The following CSMD1 variants were observed in gnomAD, a reference collection of about 807,000 sequenced individuals.
CSMD1 encodes the protein CUB and sushi domain-containing protein 1.
CSMD1 carries 213 observed loss-of-function variants against 417.5 expected under a neutral mutation model. The observed-to-expected ratio is 0.51, with a 90% CI of 0.46 to 0.57. The LOEUF is 0.57. Ranked by LOEUF, CSMD1 falls within the 20% of genes least tolerant of loss-of-function variation. The probability of loss-of-function intolerance (pLI) is 0.00; values close to 1 mark genes in which losing one functional copy is unlikely to be tolerated. For synonymous variants in CSMD1, 2,862 were observed against 1,736.8 expected, an observed-to-expected ratio of 1.65 and a Z score of -16.11; for missense variants, 6,923 against 4,529.7, an observed-to-expected ratio of 1.53 and a Z score of -15.17.
intron 18 of CSMD1, among the ~76,000 whole-genome samples, chr8:3,379,474 A>G (rs1563328171): frequency 6.6e-6 from 1 of 152,194 alleles, no homozygotes; most frequent in Non-Finnish European, 1.5e-5. Context: ...AGTTGGAGGC[A>G]TCGTGCTACC....
At chr8:3,034,668 G>C (rs1810555636) in intron 50 of CSMD1, among the ~76,000 whole-genome samples, 1 of 152,132 alleles carries the variant, frequency 6.6e-6, no homozygotes, top group Non-Finnish European at 1.5e-5. Context: ...TATTTAGGAA[G>C]ACTAGGATGC....
chr8:4,462,545 T>G (rs535517105), intron 2 of CSMD1, among the ~76,000 whole-genome samples: 2 of 152,108 alleles, frequency 1.3e-5, no homozygotes, highest in Non-Finnish European at 2.9e-5. Flanking sequence ...AAAACAATCT[T>G]TAAAAAAGAA....
chr8:3,064,338 A>T (rs1170052542), intron 49 of CSMD1, among the ~76,000 whole-genome samples: 1 of 151,966 alleles, frequency 6.6e-6, no homozygotes, highest in African/African-American at 2.4e-5. Context: ...TTCTCAGGAG[A>T]TCTGATGGTT....
At chr8:4,069,802 C>T (rs537396621) in intron 3 of CSMD1, among the ~76,000 whole-genome samples, 1 of 152,198 alleles carries the variant, frequency 6.6e-6, no homozygotes, top group African/African-American at 2.4e-5. Context: ...CACGTAATTA[C>T]TCGACAACTC....
intron 3 of CSMD1, among the ~76,000 whole-genome samples, chr8:4,109,645 C>A (rs554088537): frequency 6.6e-6 from 1 of 152,258 alleles, no homozygotes; most frequent in South Asian, 2.1e-4. Flanking sequence ...TCATTGGCAA[C>A]CTTGTAAGTT....
chr8:3,174,539 AC>A (rs1820788039), intron 37 of CSMD1, among the ~76,000 whole-genome samples: 1 of 152,214 alleles, frequency 6.6e-6, no homozygotes, highest in African/African-American at 2.4e-5. Context: ...CATAAAGATC[AC>A]TTCTATATTT....
At chr8:3,968,874 T>A (rs570337620) in intron 5 of CSMD1, among the ~76,000 whole-genome samples, 4 of 152,292 alleles carry the variant, frequency 2.6e-5, no homozygotes, top group African/African-American at 9.6e-5. Flanking sequence ...CATCTTTTCT[T>A]GCAAGAAAGA....
rs191590468 is a variant in CSMD1 at position 4,762,235 on chromosome 8, G to A, written c.86-124677C>T. On this transcript the variant is annotated intron_variant, in intron 1 of 69. Transcript: ENST00000635120. ...TCATATCTGCATGGTACCTGCTTGC[G>A]CTATTTTAAAATCTAAACTAATGGG... 1.1e-4 allele frequency among the ~76,000 whole-genome samples: 16 copies of A among 152,048 alleles called. No individual in the cohort carries two copies. The South Asian group carries it at 2.1e-3, about 20-fold the overall frequency.
intron 1 of CSMD1, among the ~76,000 whole-genome samples, chr8:4,893,236 A>T (rs1804244906): frequency 6.6e-6 from 1 of 152,052 alleles, no homozygotes; most frequent in Non-Finnish European, 1.5e-5. Flanking sequence ...TCTTCTTTTA[A>T]TTGCCTACTT....
chr8:3,993,967 G>C (rs185692777), intron 5 of CSMD1, among the ~76,000 whole-genome samples: 1 of 152,156 alleles, frequency 6.6e-6, no homozygotes, highest in Non-Finnish European at 1.5e-5. Flanking sequence ...CATAAAGACA[G>C]GGATGGGTTC....
intron 1 of CSMD1, among the ~76,000 whole-genome samples, chr8:4,698,171 T>C (rs927459702): frequency 6.6e-6 from 1 of 150,840 alleles, no homozygotes; most frequent in Admixed American, 6.6e-5. Flanking sequence ...CATAATATTA[T>C]ATGCCACAAC....
intron 3 of CSMD1, among the ~76,000 whole-genome samples, chr8:4,040,052 G>A (rs1327061167): frequency 1.3e-5 from 2 of 152,252 alleles, no homozygotes; most frequent in East Asian, 1.9e-4. Context: ...AAAGCACCAT[G>A]CAAATGTTAG....
chr8:3,908,236 A>G (rs1808237749), intron 5 of CSMD1, among the ~76,000 whole-genome samples: 1 of 127,208 alleles, frequency 7.9e-6, no homozygotes, highest in African/African-American at 2.7e-5. Flanking sequence ...TTGCATAACA[A>G]TTTTAGGAGA....
chr8:4,116,596 T>C (rs1350855654), intron 3 of CSMD1, among the ~76,000 whole-genome samples: 10 of 126,200 alleles, frequency 7.9e-5, no homozygotes, highest in Admixed American at 1.7e-4. Context: ...CAGTGATGTA[T>C]GAGTGCAGGT....
At chr8:3,800,149 T>A (rs1800378278) in intron 5 of CSMD1, among the ~76,000 whole-genome samples, 1 of 152,110 alleles carries the variant, frequency 6.6e-6, no homozygotes. Flanking sequence ...GTTGTTTCCA[T>A]GTGGAAAAAG....
At chr8:4,561,755 T>G (rs940283106) in intron 2 of CSMD1, among the ~76,000 whole-genome samples, 1 of 152,192 alleles carries the variant, frequency 6.6e-6, no homozygotes, top group Admixed American at 6.5e-5. Context: ...CTTATTATTT[T>G]GCAGACACTT....
At chr8:3,721,614 C>G (rs989035419) in intron 6 of CSMD1, among the ~76,000 whole-genome samples, 1 of 152,122 alleles carries the variant, frequency 6.6e-6, no homozygotes, top group Non-Finnish European at 1.5e-5. Context: ...TCAGTCCTAC[C>G]TTAATTATTC....
chr8:4,462,898 A>T (rs977681785), intron 2 of CSMD1, among the ~76,000 whole-genome samples: 3 of 152,158 alleles, frequency 2.0e-5, no homozygotes, highest in East Asian at 1.9e-4. Flanking sequence ...TTGTAACCTG[A>T]TGTTAAGCAA....
At chr8:4,213,409 G>A (rs1047806059) in intron 3 of CSMD1, among the ~76,000 whole-genome samples, 3 of 152,166 alleles carry the variant, frequency 2.0e-5, no homozygotes. Context: ...CCTAATCACT[G>A]CTGGTAGTGC....
Sources: gnomAD v4.1 joint callset for allele counts (sites outside exome capture counted in the v4.1 genomes callset) on GRCh38, gnomAD v4.1.1 for gene constraint, MANE v1.5 for transcripts, NCBI Gene and HGNC (gene_info 2026-07-23, HGNC 2026-07-21) for gene names.